The following ING1 variants were observed in gnomAD, a reference collection of about 807,000 sequenced individuals.
ING1 encodes inhibitor of growth protein 1.
Under a neutral mutation model 23.1 loss-of-function variants are expected in ING1, and 4 were observed. The ratio of observed to expected loss-of-function variants is 0.17; its 90% confidence interval spans 0.09 to 0.40. ING1 has a LOEUF of 0.40. Ranked by LOEUF, ING1 falls within the 10% of genes least tolerant of loss-of-function variation. The pLI is 1.00. For missense variants in ING1, 256 were observed against 393.8 expected, an observed-to-expected ratio of 0.65 and a Z score of 2.96; for synonymous variants, 179 against 166.4, an observed-to-expected ratio of 1.08 and a Z score of -0.58.
rs761468819 is a variant in ING1 at position 110,719,250 on chromosome 13, A to G, written c.158A>G (p.Glu53Gly). 6.2e-7 allele frequency: 1 copy of G among 1,613,166 alleles called. No homozygotes were observed. Among genetic ancestry groups the G allele is most frequent in the Non-Finnish European group, 8.5e-7 (1 of 1,179,922 alleles). Residue 53 changes from glutamate to glycine, a missense_variant, in exon 2 of 2, where the codon GAG (glutamate) becomes GGG (glycine). Transcript: ENST00000333219. The surrounding 1 kb of genome is among the most constrained non-coding windows in gnomAD (Gnocchi z 8.9). Reference protein sequence around the residue: ...KYQEILKELDECYERFSRETD... With the variant: ...KYQEILKELDGCYERFSRETD... The stretch of plus-strand genomic sequence containing the variant: ...CCAGAGATCCTGAAGGAGCTAGACG[A>G]GTGCTACGAGCGCTTCAGTCGCGAG...
intron 1 of ING1, among the ~76,000 whole-genome samples, chr13:110,717,848 AT>A (rs1206482787): frequency 1.3e-5 from 2 of 152,158 alleles, no homozygotes; most frequent in Non-Finnish European, 2.9e-5. Context: ...AAAAGGTAGT[AT>A]TGTTGCCTTG....
At chr13:110,713,425 G>C, upstream of ING1, 4 of 1,003,796 alleles carry the variant, frequency 4.0e-6, no homozygotes, top group Non-Finnish European at 4.8e-6. Flanking sequence ...CTGCCTCCAA[G>C]TGCCAAAAAC....
upstream of ING1, chr13:110,713,607 G>A (rs1000478664): frequency 4.1e-6 from 4 of 985,244 alleles, no homozygotes; most frequent in African/African-American, 1.7e-5. Context: ...TGAATGCGGC[G>A]GGGGGCGGGG....
chr13:110,715,349 G>T (rs550313496), intron 1 of ING1: 4 of 1,468,364 alleles, frequency 2.7e-6, no homozygotes, highest in Admixed American at 2.6e-5. Flanking sequence ...GCCCCTGCGC[G>T]TTCTATCCGA....
Position 110,720,009 on chromosome 13 carries a change from A to G in ING1, c.*77A>G. On this transcript the variant is annotated 3_prime_UTR_variant, in exon 2 of 2. Transcript: ENST00000333219. Reference sequence around the variant, plus strand: ...TACATTGCTGCCTTTGTTGAGGTGCAAGGAGTGTAAAATGTATATTTTTAA... The same window carrying G: ...TACATTGCTGCCTTTGTTGAGGTGCGAGGAGTGTAAAATGTATATTTTTAA... 4 of 1,015,424 alleles carry G rather than the reference A, an allele frequency of 3.9e-6. No homozygotes were observed. Among genetic ancestry groups the G allele is most frequent in the Non-Finnish European group, 4.3e-6 (3 of 703,098 alleles). The allele number at this position is 1,015,424 out of a possible 1,614,324, so 62.9% of individuals were successfully genotyped here. A position where few individuals can be genotyped will look rare whatever the true frequency, so the allele number is the denominator to read the frequency against.
chr13:110,712,910 C>A (rs763227180), upstream of ING1: 10 of 1,536,006 alleles, frequency 6.5e-6, no homozygotes, highest in Middle Eastern at 3.3e-4. Flanking sequence ...AAAGGGAGGG[C>A]GGTGACGGAT....
At chr13:110,713,003 C>A (rs202081363), upstream of ING1, 4 of 1,541,402 alleles carry the variant, frequency 2.6e-6, no homozygotes, top group Admixed American at 5.8e-5. Flanking sequence ...ACTCTGCGGC[C>A]GCAGCTCAAA....
chr13:110,721,611 CTG>C lies in ING1; in HGVS notation c.*1681_*1682del, dbSNP rs1202973011. 7 of 135,368 alleles carry C rather than the reference CTG, an allele frequency of 5.2e-5. No individual in the cohort carries two copies. Among genetic ancestry groups the C allele is most frequent in the Non-Finnish European group, 7.7e-5 (5 of 64,666 alleles). The allele number at this position is 135,368 out of a possible 1,614,324, so 8.4% of individuals were successfully genotyped here. On this transcript the variant is annotated 3_prime_UTR_variant, in exon 2 of 2. Transcript: ENST00000333219. ...TTTTTTTCTGAGATGGAGTCTCACTCTGTCTCCAGGCTAGAGTGCAGTGGCCC... is the reference window on the plus strand; with the variant it reads ...TTTTTTTCTGAGATGGAGTCTCACTCTCTCCAGGCTAGAGTGCAGTGGCCC...
intron 1 of ING1, among the ~76,000 whole-genome samples, chr13:110,717,641 A>G (rs960286813): frequency 2.0e-5 from 3 of 152,156 alleles, no homozygotes; most frequent in African/African-American, 7.2e-5. Context: ...CAGCCTGTCC[A>G]ACATGGAGAC....
rs145017996 is a variant in ING1 at position 110,715,681 on chromosome 13, C to T, written c.136+1396C>T. On this transcript the variant is annotated intron_variant, in intron 1 of 1. Transcript: ENST00000333219. The stretch of plus-strand genomic sequence containing the variant: ...CTGGGGCGGGCCGTGCTCTTCCGCC[C>T]TGCGGTGTGGTTGGTTCTCCTCCTG... 1.7e-5 allele frequency: 27 copies of T among 1,604,722 alleles called. No homozygotes were observed. In the African/African-American group the frequency reaches 2.7e-4, roughly 16 times the overall value.
upstream of ING1, chr13:110,713,324 C>A: frequency 1.7e-6 from 2 of 1,143,522 alleles, no homozygotes; most frequent in Non-Finnish European, 2.2e-6. Context: ...AGGTTTCTGT[C>A]CCGCGGCCCG....
Position 110,721,338 on chromosome 13 carries a change from C to T in ING1, c.*1406C>T, listed in dbSNP as rs4773243. 11,315 of 152,006 alleles carry T rather than the reference C, an allele frequency of 0.074. 482 individuals carry two copies. Among genetic ancestry groups the T allele is most frequent in the South Asian group, 0.18 (874 of 4,820 alleles). The allele number at this position is 152,006 out of a possible 1,614,324, so 9.4% of individuals were successfully genotyped here. A position where few individuals can be genotyped will look rare whatever the true frequency, so the allele number is the denominator to read the frequency against. ...GTGCAATAGCGCAATCTTGGCTCAC[C>T]GCAACCTCCGCCTCCCAGGTTCAAG... On this transcript the variant is annotated 3_prime_UTR_variant, in exon 2 of 2. Transcript: ENST00000333219.
rs2064150126 is a variant in ING1, at chr13:110,719,222, C to T, written c.137-7C>T. Reference sequence around the variant, plus strand: ...TCGCGAGTGACGCCTGTCCTTCTTGCCCCCAGAGATCCTGAAGGAGCTAGA... The same window carrying T: ...TCGCGAGTGACGCCTGTCCTTCTTGTCCCCAGAGATCCTGAAGGAGCTAGA... On this transcript the variant is annotated splice_region_variant and splice_polypyrimidine_tract_variant and intron_variant, in intron 1 of 1. Coordinates refer to ENST00000333219, the MANE Select transcript of ING1 (RefSeq NM_198219.3). The surrounding 1 kb of genome is among the most constrained non-coding windows in gnomAD (Gnocchi z 8.9). The T allele has an allele frequency of 3.7e-6, 6 of 1,612,612 alleles. No individual in the cohort carries two copies. The East Asian group carries it at 1.1e-4, about 30-fold the overall frequency.
chr13:110,715,552 C>A lies in ING1; in HGVS notation c.136+1267C>A, dbSNP rs1304575651. On this transcript the variant is annotated intron_variant, in intron 1 of 1. Transcript: ENST00000333219. ...TGGTATGGGTCTGTGTTTCCGCTGT[C>A]TTCTTTTTTCTTTTTCGGGGAGGAG... 2.5e-6 allele frequency: 4 copies of A among 1,613,906 alleles called. No individual in the cohort carries two copies. Among genetic ancestry groups the A allele is most frequent in the South Asian group, 2.2e-5 (2 of 91,082 alleles).
intron 1 of ING1, chr13:110,715,889 G>A (rs1161383341): frequency 1.3e-6 from 2 of 1,588,392 alleles, no homozygotes; most frequent in Non-Finnish European, 8.5e-7. Flanking sequence ...CCGGGCCTGT[G>A]GGCTCGGGGC....
At chr13:110,713,066 G>C, upstream of ING1, 5 of 1,454,320 alleles carry the variant, frequency 3.4e-6, no homozygotes, top group South Asian at 5.5e-5. Flanking sequence ...CCCGTGCCCG[G>C]CCCTCCCCTT....
At position 110,719,514 on chromosome 13, in the gene ING1, A is replaced by T. The variant is rs745782710; in HGVS notation, c.422A>T (p.Gln141Leu). The change falls in exon 2 of 2, where the codon CAG (glutamine) becomes CTG (leucine). Residue 141 changes from glutamine to leucine, a missense_variant. By Grantham distance (113) the Gln-to-Leu change is moderately radical (BLOSUM62 -2). This residue lies in a region of ING1 where 209 missense variants were observed against 273.8 expected (regional missense o/e 0.76). Coordinates refer to ENST00000333219, the MANE Select transcript of ING1 (RefSeq NM_198219.3). The surrounding 1 kb of genome is among the most constrained non-coding windows in gnomAD (Gnocchi z 8.9). ...AGGCCCAAAGGCGAGGCGGCAGCGC[A>T]GGCTGACAAGCCCAACAGCAAGCGC... is the stretch of plus-strand genomic sequence containing the variant. ...ADRPKGEAAA[Q>L]ADKPNSKRSR... 15 of 1,611,382 alleles carry T rather than the reference A, an allele frequency of 9.3e-6. No individual in the cohort carries two copies. The South Asian group carries it at 1.6e-4, about 18-fold the overall frequency.
In ING1 at chr13:110,723,167, C is replaced by T. The variant is rs1482546420; in HGVS notation, c.*3235C>T. On this transcript the variant is annotated 3_prime_UTR_variant, in exon 2 of 2. Coordinates refer to ENST00000333219, the MANE Select transcript of ING1 (RefSeq NM_198219.3). Reference sequence around the variant, plus strand: ...CATGGTGTTCCTGGGACAGGCTCCCCAGGTGCTGAGAGAGGTGCTGCAGGA... The same window carrying T: ...CATGGTGTTCCTGGGACAGGCTCCCTAGGTGCTGAGAGAGGTGCTGCAGGA... 1 of 152,200 alleles carries T rather than the reference C, an allele frequency of 6.6e-6. No homozygotes were observed. The highest frequency in any genetic ancestry group is 1.5e-5 in the Non-Finnish European group (1 of 68,036). 9.4% of individuals were successfully genotyped at this position (152,200 alleles called of 1,614,324 possible). A position where few individuals can be genotyped will look rare whatever the true frequency, so the allele number is the denominator to read the frequency against.
At chr13:110,716,406 T>A (rs1210842779) in intron 1 of ING1, among the ~76,000 whole-genome samples, 2 of 152,180 alleles carry the variant, frequency 1.3e-5, no homozygotes, top group Non-Finnish European at 2.9e-5. Context: ...TCACAGCTCC[T>A]TGGACTTCGG....
Sources: gnomAD v4.1 joint callset for allele counts (sites outside exome capture counted in the v4.1 genomes callset) on GRCh38, gnomAD v4.1.1 for gene constraint, gnomAD v4.1.1 regional missense constraint, Gnocchi (gnomAD v3.1) non-coding constraint, MANE v1.5 for transcripts, NCBI Gene and HGNC (gene_info 2026-07-23, HGNC 2026-07-21) for gene names.